PDE4D: variants seen among roughly 807,000 people sequenced by gnomAD.
The protein encoded by PDE4D is 3',5'-cyclic-AMP phosphodiesterase 4D.
A neutral mutation model predicts 87.4 loss-of-function variants in PDE4D; 24 were observed. The observed-to-expected ratio is 0.27, with a 90% confidence interval of 0.20 to 0.39. PDE4D has a LOEUF of 0.39. Among genes scored for constraint, PDE4D ranks in the 10% least tolerant of loss-of-function variants. The pLI, the probability that PDE4D is intolerant of heterozygous loss-of-function variation, is 1.00. For missense variants in PDE4D, 714 were observed against 1,041.0 expected, an observed-to-expected ratio of 0.69 and a Z score of 4.32; for synonymous variants, 384 against 383.2, an observed-to-expected ratio of 1.00 and a Z score of -0.02.
chr5:60,030,420 G>A (rs992213999), intron 2 of PDE4D, among the ~76,000 whole-genome samples: 2 of 152,120 alleles, frequency 1.3e-5, no homozygotes, highest in African/African-American at 4.8e-5. Context: ...ACTGCAGTCC[G>A]CAGTCCGGCC....
chr5:60,282,065 T>C lies in PDE4D; in HGVS notation c.-89-96378A>G, dbSNP rs551685993. ...GAGAGATACTCTATTTCAATAGAAA[T>C]AACATCGTTTTAAACAACATTACTC... On this transcript the variant is annotated intron_variant, in intron 1 of 16. Transcript: ENST00000502484. 2.6e-5 allele frequency among the ~76,000 whole-genome samples: 4 copies of C among 151,946 alleles called. No homozygotes were observed. The South Asian group carries it at 6.2e-4, about 24-fold the overall frequency.
At chr5:59,558,078 T>G (rs945406383) in intron 1 of PDE4D, among the ~76,000 whole-genome samples, 2 of 152,214 alleles carry the variant, frequency 1.3e-5, no homozygotes, top group African/African-American at 4.8e-5. Flanking sequence ...GATTTAGATT[T>G]ATTGCAAACC....
At chr5:60,122,694 G>A (rs1308200148) in intron 2 of PDE4D, among the ~76,000 whole-genome samples, 1 of 152,216 alleles carries the variant, frequency 6.6e-6, no homozygotes, top group Non-Finnish European at 1.5e-5. Flanking sequence ...AGACCTCTGA[G>A]ATACTCTGGA....
At chr5:60,251,972 CTG>C (rs1304690915) in intron 1 of PDE4D, among the ~76,000 whole-genome samples, 4 of 151,794 alleles carry the variant, frequency 2.6e-5, no homozygotes, top group Non-Finnish European at 5.9e-5. Flanking sequence ...TGTGCTTTTT[CTG>C]TGTTTACATA....
intron 1 of PDE4D, among the ~76,000 whole-genome samples, chr5:59,578,390 A>G (rs935492907): frequency 5.3e-5 from 8 of 152,200 alleles, no homozygotes; most frequent in African/African-American, 1.9e-4. Context: ...CACAATCCAT[A>G]GGAGACATTC....
intron 1 of PDE4D, among the ~76,000 whole-genome samples, chr5:59,373,200 A>C (rs1326326019): frequency 6.6e-6 from 1 of 152,200 alleles, no homozygotes; most frequent in African/African-American, 2.4e-5. Flanking sequence ...TGACAGAAAT[A>C]GAATTCAAAA....
At chr5:60,401,643 G>A (rs566799724) in intron 1 of PDE4D, among the ~76,000 whole-genome samples, 3 of 152,250 alleles carry the variant, frequency 2.0e-5, no homozygotes, top group South Asian at 4.2e-4. Context: ...CCTCCAGGCC[G>A]CATCTCAGGA....
At chr5:59,303,151 A>AT (rs1770605437) in intron 1 of PDE4D, among the ~76,000 whole-genome samples, 1 of 151,970 alleles carries the variant, frequency 6.6e-6, no homozygotes, top group Non-Finnish European at 1.5e-5. Flanking sequence ...GATGTTGAGC[A>AT]TTTTTTCATA....
intron 1 of PDE4D, among the ~76,000 whole-genome samples, chr5:59,688,000 A>C (rs1386361801): frequency 6.6e-6 from 1 of 152,242 alleles, no homozygotes; most frequent in African/African-American, 2.4e-5. Flanking sequence ...AAAGGGATCA[A>C]TTCAACAAGA....
At chr5:59,772,647 G>A (rs1261765050) in intron 1 of PDE4D, among the ~76,000 whole-genome samples, 2 of 152,206 alleles carry the variant, frequency 1.3e-5, no homozygotes, top group Non-Finnish European at 2.9e-5. Context: ...AATGGAAAGA[G>A]AGCAATGATG....
At chr5:59,063,562 G>A (rs1404765750) in intron 5 of PDE4D, 1 of 152,172 alleles carries the variant, frequency 6.6e-6, no homozygotes, top group Non-Finnish European at 1.5e-5. Flanking sequence ...AACAGTCTAA[G>A]TGTTAATCAG....
At chr5:59,364,983 C>A (rs1782825169) in intron 1 of PDE4D, among the ~76,000 whole-genome samples, 1 of 152,092 alleles carries the variant, frequency 6.6e-6, no homozygotes, top group Non-Finnish European at 1.5e-5. Context: ...ATGGTGAAAA[C>A]AATTCATGCC....
chr5:60,041,403 A>G (rs1263434963), intron 2 of PDE4D, among the ~76,000 whole-genome samples: 3 of 152,224 alleles, frequency 2.0e-5, no homozygotes, highest in Non-Finnish European at 4.4e-5. Context: ...CTTTAAGGCA[A>G]CTAGGAACTC....
chr5:59,936,109 G>A (rs1756543674), intron 3 of PDE4D, among the ~76,000 whole-genome samples: 1 of 151,976 alleles, frequency 6.6e-6, no homozygotes, highest in Non-Finnish European at 1.5e-5. Context: ...ACTATCGCAA[G>A]GACAAAAAAC....
chr5:60,067,445 T>C (rs1336764792), intron 2 of PDE4D, among the ~76,000 whole-genome samples: 1 of 152,044 alleles, frequency 6.6e-6, no homozygotes, highest in Non-Finnish European at 1.5e-5. Flanking sequence ...AAATAATAAA[T>C]GAACTGTTAC....
intron 1 of PDE4D, among the ~76,000 whole-genome samples, chr5:59,409,397 G>C (rs1184748361): frequency 2.0e-5 from 3 of 152,106 alleles, no homozygotes; most frequent in African/African-American, 7.2e-5. Context: ...AGGGGGCCAA[G>C]GGCGGAATGA....
intron 1 of PDE4D, among the ~76,000 whole-genome samples, chr5:59,697,683 A>G (rs960668166): frequency 4.6e-5 from 7 of 152,304 alleles, no homozygotes; most frequent in Admixed American, 3.9e-4. Context: ...CCTGTTCAGG[A>G]TTTTCCCATA....
rs895721811 is a variant in PDE4D at position 59,514,198 on chromosome 5, C to T, written c.456-298230G>A. 4.6e-5 allele frequency among the ~76,000 whole-genome samples: 7 copies of T among 151,738 alleles called. No homozygotes were observed. In the East Asian group the frequency reaches 1.2e-3, roughly 25 times the overall value. ...TCGGCTCACTGCATGCTCCGCCTCC[C>T]GGGTTCACACCATTCTCCTGCCTCA... On this transcript the variant is annotated intron_variant, in intron 1 of 14. Transcript: ENST00000340635.
intron 1 of PDE4D, among the ~76,000 whole-genome samples, chr5:59,861,357 C>T (rs1328232373): frequency 1.3e-5 from 2 of 152,130 alleles, no homozygotes; most frequent in Non-Finnish European, 2.9e-5. Context: ...CCTAACAAAG[C>T]CTCAGCTGGA....
Sources: allele counts gnomAD v4.1 joint callset (sites outside exome capture counted in the v4.1 genomes callset), GRCh38; gene constraint gnomAD v4.1.1; transcripts MANE v1.5; gene names NCBI Gene and HGNC (gene_info 2026-07-23, HGNC 2026-07-21).